Variants in CADM2 observed in about 807,000 individuals in gnomAD.
CADM2 encodes the protein cell adhesion molecule 2.
In CADM2, 12 loss-of-function variants were observed where a neutral mutation model predicts 49.8. That is an observed-to-expected ratio of 0.24 (90% CI 0.15 to 0.39). The LOEUF is 0.39. Ranked by LOEUF, CADM2 falls within the 10% of genes least tolerant of loss-of-function variation. CADM2 has a pLI of 1.00. For missense variants in CADM2, 378 were observed against 492.3 expected (o/e 0.77, Z 2.20); for synonymous variants, 214 against 175.4 (o/e 1.22, Z -1.74).
At chr3:85,783,621 A>G in intron 2 of CADM2, among the ~76,000 whole-genome samples, 1 of 152,186 alleles carries the variant, frequency 6.6e-6, no homozygotes, top group East Asian at 1.9e-4. Flanking sequence ...AAACGAAAGA[A>G]GTGCATTACA....
intron 1 of CADM2, among the ~76,000 whole-genome samples, chr3:85,688,649 C>A (rs2066288284): frequency 6.6e-6 from 1 of 150,492 alleles, no homozygotes; most frequent in African/African-American, 2.5e-5. Flanking sequence ...CTCACTGCAA[C>A]CTCCACCTCC....
intron 1 of CADM2, among the ~76,000 whole-genome samples, chr3:84,992,337 A>G (rs930521125): frequency 6.6e-6 from 1 of 152,198 alleles, no homozygotes; most frequent in African/African-American, 2.4e-5. Flanking sequence ...GGAAAATGCT[A>G]TTTAACATTC....
At chr3:85,547,474 A>G (rs2061695824) in intron 1 of CADM2, among the ~76,000 whole-genome samples, 1 of 142,720 alleles carries the variant, frequency 7.0e-6, no homozygotes, top group African/African-American at 2.4e-5. Flanking sequence ...TTTTTGTCAT[A>G]GAGAGCTGTT....
In CADM2 at chr3:85,449,052, A is replaced by AAAAAAT. The variant is rs71617939; in HGVS notation, c.62-277468_62-277467insAAATAA. Among the ~76,000 whole-genome samples the AAAAAAT allele has an allele frequency of 3.3e-4, 35 of 107,434 alleles. 1 individual carries two copies. Among genetic ancestry groups the AAAAAAT allele is most frequent in the Middle Eastern group, 5.6e-3 (1 of 178 alleles). The allele number at this position is 107,434 out of a possible 152,430, so 70.5% of individuals were successfully genotyped here. A position where few individuals can be genotyped will look rare whatever the true frequency, so the allele number is the denominator to read the frequency against. The stretch of plus-strand genomic sequence containing the variant: ...GCAAAGGGGCGAGACTCCAACTCAA[A>AAAAAAT]AATAATAATAATAATAATAATAATG... On this transcript the variant is annotated intron_variant, in intron 1 of 9. Coordinates refer to ENST00000383699, the MANE Select transcript of CADM2 (RefSeq NM_001167675.2).
chr3:85,304,197 AT>A (rs949842913), intron 1 of CADM2, among the ~76,000 whole-genome samples: 15 of 151,788 alleles, frequency 9.9e-5, no homozygotes, highest in African/African-American at 3.4e-4. Flanking sequence ...AAGTCCAGAG[AT>A]TTGTGATTGT....
intron 6 of CADM2, among the ~76,000 whole-genome samples, chr3:85,916,298 T>C (rs1559740309): frequency 6.6e-6 from 1 of 151,576 alleles, no homozygotes; most frequent in African/African-American, 2.4e-5. Flanking sequence ...GTTAGGTATA[T>C]CTCCTAATAC....
intron 7 of CADM2, among the ~76,000 whole-genome samples, chr3:85,941,434 C>G (rs892023754): frequency 6.6e-6 from 1 of 151,798 alleles, no homozygotes; most frequent in Non-Finnish European, 1.5e-5. Flanking sequence ...GAATCCAGAC[C>G]GAAGTCATGG....
At chr3:85,540,370 G>A (rs1177061539) in intron 1 of CADM2, among the ~76,000 whole-genome samples, 1 of 152,050 alleles carries the variant, frequency 6.6e-6, no homozygotes, top group Admixed American at 6.6e-5. Context: ...GAACACAAAT[G>A]TCAGTAGATA....
chr3:85,162,433 G>C (rs1439716090), intron 1 of CADM2, among the ~76,000 whole-genome samples: 1 of 151,898 alleles, frequency 6.6e-6, no homozygotes, highest in African/African-American at 2.4e-5. Flanking sequence ...GGTTTGGATA[G>C]GTTTACACTT....
At chr3:84,982,855 C>T (rs1183839637) in intron 1 of CADM2, among the ~76,000 whole-genome samples, 1 of 151,100 alleles carries the variant, frequency 6.6e-6, no homozygotes, top group Non-Finnish European at 1.5e-5. Flanking sequence ...AAGCGATTCT[C>T]CTGCACCAGC....
intron 1 of CADM2, among the ~76,000 whole-genome samples, chr3:85,003,238 C>A (rs573439939): frequency 6.6e-6 from 1 of 151,990 alleles, no homozygotes; most frequent in Admixed American, 6.6e-5. Context: ...ATTTTTAAGC[C>A]TCAGATTACA....
At chr3:85,679,421 TAA>T (rs1420294337) in intron 1 of CADM2, among the ~76,000 whole-genome samples, 1 of 152,136 alleles carries the variant, frequency 6.6e-6, no homozygotes, top group South Asian at 2.1e-4. Flanking sequence ...CTTATGTATA[TAA>T]GTCTTTTCTC....
intron 1 of CADM2, among the ~76,000 whole-genome samples, chr3:85,229,067 C>T (rs967236209): frequency 3.9e-5 from 6 of 152,160 alleles, no homozygotes; most frequent in Non-Finnish European, 7.4e-5. Context: ...CTGTGGTGGG[C>T]TCTGCCCAGT....
chr3:85,920,991 G>A (rs958545084), intron 6 of CADM2, among the ~76,000 whole-genome samples: 1 of 151,704 alleles, frequency 6.6e-6, no homozygotes, highest in African/African-American at 2.4e-5. Context: ...ATTTCATAAA[G>A]AGGCAGTAAA....
At chr3:85,808,559 C>G (rs1407608261) in intron 3 of CADM2, among the ~76,000 whole-genome samples, 1 of 152,120 alleles carries the variant, frequency 6.6e-6, no homozygotes, top group Non-Finnish European at 1.5e-5. Context: ...ACTTCAATTC[C>G]TTCCTATTAT....
intron 1 of CADM2, among the ~76,000 whole-genome samples, chr3:85,382,500 C>A (rs1315269187): frequency 6.6e-6 from 1 of 152,152 alleles, no homozygotes; most frequent in Non-Finnish European, 1.5e-5. Flanking sequence ...CTCATGATTA[C>A]CGCATATTTA....
At chr3:85,509,954 T>G (rs2040537746) in intron 1 of CADM2, among the ~76,000 whole-genome samples, 1 of 152,010 alleles carries the variant, frequency 6.6e-6, no homozygotes, top group Non-Finnish European at 1.5e-5. Flanking sequence ...ATAATCATGG[T>G]AATAATAATT....
intron 5 of CADM2, among the ~76,000 whole-genome samples, chr3:85,911,025 A>T (rs962098686): frequency 3.3e-5 from 5 of 152,132 alleles, no homozygotes; most frequent in Non-Finnish European, 5.9e-5. Context: ...TTTTGTTATT[A>T]ATACATTTTA....
chr3:85,293,885 G>A (rs1243025048), intron 1 of CADM2, among the ~76,000 whole-genome samples: 1 of 151,588 alleles, frequency 6.6e-6, no homozygotes, highest in East Asian at 1.9e-4. Flanking sequence ...GCACAAGACA[G>A]GGATGCCCTC....
Sources: gnomAD v4.1 joint callset for allele counts (sites outside exome capture counted in the v4.1 genomes callset) on GRCh38, gnomAD v4.1.1 for gene constraint, MANE v1.5 for transcripts, NCBI Gene and HGNC (gene_info 2026-07-23, HGNC 2026-07-21) for gene names.